Variants in PCDHGB3 observed in about 807,000 individuals in gnomAD.
The protein encoded by PCDHGB3 is protocadherin gamma subfamily B, 3, also known as protocadherin gamma-B3.
PCDHGB3 carries 40 observed loss-of-function variants against 59.2 expected under a neutral mutation model. The ratio of observed to expected loss-of-function variants is 0.68; its 90% confidence interval spans 0.52 to 0.88. PCDHGB3 has a LOEUF of 0.88. PCDHGB3 is among the 40% of genes least tolerant of loss of function. PCDHGB3 has a pLI of 0.00. For missense variants in PCDHGB3, 1,309 were observed against 1,187.9 expected, an observed-to-expected ratio of 1.10 and a Z score of -1.50; for synonymous variants, 581 against 503.6, an observed-to-expected ratio of 1.15 and a Z score of -2.06.
Position 141,477,483 on chromosome 5 carries a change from A to G in PCDHGB3, c.2416-17324A>G. The G allele has an allele frequency of 6.2e-7, 1 of 1,614,028 alleles. No individual in the cohort carries two copies. On this transcript the variant is annotated intron_variant, in intron 1 of 3. Coordinates refer to ENST00000576222, the MANE Select transcript of PCDHGB3 (RefSeq NM_018924.5). The surrounding 1 kb of genome is among the most constrained non-coding windows in gnomAD (Gnocchi z 4.9). ...TCCGACATCAATGACAACCCTCCAC[A>G]ATCTTCTCAATCTTCCTACGACGTT...
chr5:141,433,142 G>A, intron 1 of PCDHGB3: 2 of 1,614,108 alleles, frequency 1.2e-6, no homozygotes, highest in African/African-American at 1.3e-5. Flanking sequence ...TTTGCTGTCA[G>A]GTGATTCGGT....
intron 1 of PCDHGB3, chr5:141,423,117 G>A (rs1429958385): frequency 6.2e-7 from 1 of 1,613,698 alleles, no homozygotes; most frequent in Non-Finnish European, 8.5e-7. Flanking sequence ...TGCGTACAGC[G>A]CGGGCACTGC....
chr5:141,452,252 C>T (rs868364679), intron 1 of PCDHGB3, among the ~76,000 whole-genome samples: 2 of 152,106 alleles, frequency 1.3e-5, no homozygotes, highest in Non-Finnish European at 2.9e-5. Context: ...TTTGCCATAA[C>T]TCTCTCATTT....
chr5:141,478,415 C>T, intron 1 of PCDHGB3: 1 of 1,613,648 alleles, frequency 6.2e-7, no homozygotes, highest in Non-Finnish European at 8.5e-7. Flanking sequence ...CACGGACTCC[C>T]GCCGCAGCGA....
rs1011341002 is a variant in PCDHGB3, at chr5:141,476,141, G to T, written c.2416-18666G>T. 1 of 1,610,048 alleles carries T rather than the reference G, an allele frequency of 6.2e-7. No individual in the cohort carries two copies. The highest frequency in any genetic ancestry group is 2.2e-5 in the East Asian group (1 of 44,844). On this transcript the variant is annotated intron_variant, in intron 1 of 3. Coordinates refer to ENST00000576222, the MANE Select transcript of PCDHGB3 (RefSeq NM_018924.5). The surrounding 1 kb of genome is among the most constrained non-coding windows in gnomAD (Gnocchi z 7.6). ...GATGGTCCCAGAGGCCTGGAGGAGC[G>T]GACTGGTAAGCACCGGGAGGGTAGT...
intron 1 of PCDHGB3, chr5:141,408,821 T>C (rs774934223): frequency 1.4e-5 from 23 of 1,613,250 alleles, no homozygotes; most frequent in African/African-American, 2.7e-5. Flanking sequence ...AGAACAGAGA[T>C]CTCATAGCTT....
At chr5:141,481,191 C>A (rs1244434918) in intron 1 of PCDHGB3, among the ~76,000 whole-genome samples, 1 of 152,148 alleles carries the variant, frequency 6.6e-6, no homozygotes, top group Non-Finnish European at 1.5e-5. Context: ...GGGCCAGGCC[C>A]AATTTTTTTA....
At position 141,486,028 on chromosome 5, in the gene PCDHGB3, C is replaced by T; in HGVS notation, c.2416-8779C>T. On this transcript the variant is annotated intron_variant, in intron 1 of 3. Transcript: ENST00000576222. This position sits in a 1 kb window ranked among gnomAD's most constrained non-coding sequence, Gnocchi z 5.0. ...TCACCTTTTATTTCAGTGGTCATAC[C>T]CCTGATCGTGTAAGAAACCTCTTTA... The T allele has an allele frequency of 6.2e-7, 1 of 1,614,134 alleles. No individual in the cohort carries two copies. Among genetic ancestry groups the T allele is most frequent in the Non-Finnish European group, 8.5e-7 (1 of 1,180,020 alleles).
Position 141,372,199 on chromosome 5 carries a change from C to T in PCDHGB3, c.1805C>T (p.Ala602Val). ...VAVDADSGYN[A>V]WLSYHIVQAS... ...GTGGACGCAGACTCGGGATACAACG[C>T]CTGGCTGTCCTACCACATTGTGCAG... Residue 602 changes from alanine (A) to valine (V), a missense_variant, in exon 1 of 4, where the codon GCC (alanine) becomes GTC (valine). Transcript: ENST00000576222. 9.3e-6 allele frequency: 15 copies of T among 1,613,572 alleles called. No homozygotes were observed. Among genetic ancestry groups the T allele is most frequent in the Non-Finnish European group, 1.3e-5 (15 of 1,179,910 alleles).
At chr5:141,423,734 T>C in intron 1 of PCDHGB3, 1 of 969,626 alleles carries the variant, frequency 1.0e-6, no homozygotes, top group Non-Finnish European at 1.3e-6. Flanking sequence ...TTTTTGAGCC[T>C]GTTATGAAAA....
chr5:141,374,104 T>A (rs200348921), intron 1 of PCDHGB3: 3 of 1,570,610 alleles, frequency 1.9e-6, no homozygotes, highest in Non-Finnish European at 8.6e-7. Context: ...CGCAGAGGCA[T>A]CCGCAGCGCA....
intron 1 of PCDHGB3, chr5:141,400,525 G>A: frequency 6.2e-7 from 1 of 1,613,908 alleles, no homozygotes; most frequent in Non-Finnish European, 8.5e-7. Context: ...TCCTGAGTTG[G>A]TGAGTTTCAT....
chr5:141,382,131 C>G (rs2150200415), intron 1 of PCDHGB3, among the ~76,000 whole-genome samples: 1 of 152,134 alleles, frequency 6.6e-6, no homozygotes, highest in African/African-American at 2.4e-5. Flanking sequence ...CCTGGCCCCC[C>G]CTCTCATTTT....
rs529029548 is a variant in PCDHGB3 at position 141,483,337 on chromosome 5, T to C, written c.2416-11470T>C. 9.2e-5 allele frequency among the ~76,000 whole-genome samples: 14 copies of C among 152,260 alleles called. No homozygotes were observed. In the East Asian group the frequency reaches 2.5e-3, roughly 27 times the overall value. On this transcript the variant is annotated intron_variant, in intron 1 of 3. Transcript: ENST00000576222. Reference sequence around the variant, plus strand: ...TGGGACTGGAGGCAAAGAGATCTTATCTCTTTGCAATAGTTTGAAAGCTAT... The same window carrying C: ...TGGGACTGGAGGCAAAGAGATCTTACCTCTTTGCAATAGTTTGAAAGCTAT...
rs775092851 is a variant in PCDHGB3 at position 141,388,890 on chromosome 5, A to G, written c.2415+16081A>G. ...GCAATGCACAGTGGAGGTAGAAGTC[A>G]TAGATGAAAATGACAACGCCCCAGA... On this transcript the variant is annotated intron_variant, in intron 1 of 3. Coordinates refer to ENST00000576222, the MANE Select transcript of PCDHGB3 (RefSeq NM_018924.5). The G allele has an allele frequency of 3.7e-6, 6 of 1,613,888 alleles. No individual in the cohort carries two copies. The African/African-American group carries it at 6.7e-5, about 18-fold the overall frequency.
chr5:141,451,606 G>A (rs2098720118), intron 1 of PCDHGB3, among the ~76,000 whole-genome samples: 1 of 152,152 alleles, frequency 6.6e-6, no homozygotes, highest in Admixed American at 6.5e-5. Flanking sequence ...ACAAGGCTAG[G>A]CATGGTGGCT....
intron 1 of PCDHGB3, chr5:141,389,877 A>T: frequency 6.2e-7 from 1 of 1,614,088 alleles, no homozygotes; most frequent in South Asian, 1.1e-5. Context: ...CTTCGCCGAC[A>T]GCTTGCAGGA....
rs375127524 is a variant in PCDHGB3 at position 141,490,702 on chromosome 5, C to T, written c.2416-4105C>T. ...AGATCCAGACACTGGGGATAATGCC[C>T]GCCTCACCTACTCCATTGTAGGAAA... On this transcript the variant is annotated intron_variant, in intron 1 of 3. Coordinates refer to ENST00000576222, the MANE Select transcript of PCDHGB3 (RefSeq NM_018924.5). The surrounding 1 kb of genome is among the most constrained non-coding windows in gnomAD (Gnocchi z 5.4). 36 of 1,614,060 alleles carry T rather than the reference C, an allele frequency of 2.2e-5. No homozygotes were observed. Among genetic ancestry groups the T allele is most frequent in the South Asian group, 7.7e-5 (7 of 91,090 alleles).
intron 1 of PCDHGB3, chr5:141,478,679 C>T (rs1247027395): frequency 3.2e-6 from 5 of 1,551,382 alleles, no homozygotes; most frequent in East Asian, 2.4e-5. Flanking sequence ...TCAACTGGCC[C>T]TTCCTAGATC....
Sources: allele counts gnomAD v4.1 joint callset (sites outside exome capture counted in the v4.1 genomes callset), GRCh38; gene constraint gnomAD v4.1.1; non-coding constraint Gnocchi (gnomAD v3.1); transcripts MANE v1.5; gene names NCBI Gene and HGNC (gene_info 2026-07-23, HGNC 2026-07-21).